Variants in AXL observed in about 807,000 individuals in gnomAD.
AXL encodes AXL receptor tyrosine kinase, also known as tyrosine-protein kinase receptor UFO.
A neutral mutation model predicts 104.5 loss-of-function variants in AXL; 52 were observed. That is an observed-to-expected ratio of 0.50 (90% CI 0.40 to 0.63). The LOEUF (loss-of-function observed/expected upper bound fraction) is 0.63. Among genes scored for constraint, AXL ranks in the 20% least tolerant of loss-of-function variants. AXL has a pLI of 0.00. For synonymous variants in AXL, 455 were observed against 473.7 expected, an observed-to-expected ratio of 0.96 and a Z score of 0.51; for missense variants, 1,024 against 1,188.5, an observed-to-expected ratio of 0.86 and a Z score of 2.04.
rs971843437 is a variant in AXL, at chr19:41,257,923, C to T, written c.2333+294C>T. ...TGAATAACAGCACAGTCTTACCTGG[C>T]GGCCCTGCCTTTGGGACATGCACTC... is the stretch of plus-strand genomic sequence containing the variant. On this transcript the variant is annotated intron_variant, in intron 19 of 19. Coordinates refer to ENST00000301178, the MANE Select transcript of AXL (RefSeq NM_021913.5). Among the ~76,000 whole-genome samples, 5 of 152,262 alleles carry T rather than the reference C, an allele frequency of 3.3e-5. No individual in the cohort carries two copies. In the South Asian group the frequency reaches 6.2e-4, roughly 19 times the overall value.
At chr19:41,238,333 C>A in intron 7 of AXL, 137 bp from the exon 8 acceptor site, 1 of 1,474,510 alleles carries the variant, frequency 6.8e-7, no homozygotes. Flanking sequence ...CTTCTCTCCC[C>A]TGTGCTTCCT....
At chr19:41,229,553 C>G (rs114930604) in intron 4 of AXL, among the ~76,000 whole-genome samples, 2,216 of 152,312 alleles carry the variant, frequency 0.015, 57 homozygotes, top group African/African-American at 0.051. Flanking sequence ...TCATGAGTCA[C>G]TATGCCTGGC....
chr19:41,249,014 C>T (rs537167407), intron 14 of AXL, among the ~76,000 whole-genome samples, 194 bp downstream of exon 14: 1 of 152,156 alleles, frequency 6.6e-6, no homozygotes, highest in African/African-American at 2.4e-5. Context: ...GTTGAAGGAA[C>T]AACTGGGGGC....
chr19:41,253,774 T>A (rs2034408825), intron 17 of AXL, 66 bp downstream of exon 17: 5 of 1,297,876 alleles, frequency 3.9e-6, no homozygotes, highest in Non-Finnish European at 5.5e-6. Context: ...GTTCCCTCCC[T>A]CCTTCTTAGG....
chr19:41,250,198 A>G (rs1414886027), intron 14 of AXL, among the ~76,000 whole-genome samples: 2 of 152,162 alleles, frequency 1.3e-5, no homozygotes, highest in East Asian at 3.8e-4. Context: ...GAGTAGGACT[A>G]TATTATTTCC....
intron 6 of AXL, among the ~76,000 whole-genome samples, chr19:41,233,423 G>A (rs1297771441): frequency 6.8e-6 from 1 of 146,038 alleles, no homozygotes; most frequent in Non-Finnish European, 1.5e-5. Context: ...GATAGCTCAC[G>A]CCTGTAATCC....
At chr19:41,224,366 C>T (rs1296592282) in intron 4 of AXL, among the ~76,000 whole-genome samples, 1 of 151,886 alleles carries the variant, frequency 6.6e-6, no homozygotes, top group Non-Finnish European at 1.5e-5. Flanking sequence ...TTTCTTACCA[C>T]CTTTTTTCCC....
chr19:41,234,295 A>G (rs934415016), intron 6 of AXL, among the ~76,000 whole-genome samples: 1 of 152,156 alleles, frequency 6.6e-6, no homozygotes, highest in African/African-American at 2.4e-5. Flanking sequence ...AATGTGCTTG[A>G]CAGAGAGCTT....
intron 6 of AXL, among the ~76,000 whole-genome samples, chr19:41,234,525 AC>A: frequency 6.6e-6 from 1 of 152,160 alleles, no homozygotes; most frequent in East Asian, 1.9e-4. Context: ...ACAGAGTGAG[AC>A]CCTGCCTAAA....
rs548297374 is a variant in AXL at position 41,230,944 on chromosome 19, C to T, written c.587-23C>T. 2.5e-6 allele frequency: 4 copies of T among 1,611,466 alleles called. No homozygotes were observed. The South Asian group carries it at 4.4e-5, about 18-fold the overall frequency. On this transcript the variant is annotated intron_variant, in intron 4 of 19. Coordinates refer to ENST00000301178, the MANE Select transcript of AXL (RefSeq NM_021913.5). ...TTCCTGCCCCTCTCTGATATTGGACCCTTCCCTCATATGACTCCCTAGGGC... is the reference window on the plus strand; with the variant it reads ...TTCCTGCCCCTCTCTGATATTGGACTCTTCCCTCATATGACTCCCTAGGGC...
At chr19:41,230,257 A>C (rs547517464) in intron 4 of AXL, among the ~76,000 whole-genome samples, 95 of 121,490 alleles carry the variant, frequency 7.8e-4, no homozygotes, top group Admixed American at 3.3e-3. Flanking sequence ...CCTGTGTGTG[A>C]CTGTGTGTGA....
intron 6 of AXL, among the ~76,000 whole-genome samples, chr19:41,235,127 A>G (rs1856386166): frequency 6.6e-6 from 1 of 152,058 alleles, no homozygotes; most frequent in Admixed American, 6.6e-5. Context: ...CTGAGCGGGC[A>G]GATCACCTGA....
At chr19:41,251,852 G>A (rs562281767) in intron 14 of AXL, among the ~76,000 whole-genome samples, 103 of 151,890 alleles carry the variant, frequency 6.8e-4, no homozygotes, top group African/African-American at 2.4e-3. Context: ...AGTGGCTGAC[G>A]CCTGTAATCC....
intron 16 of AXL, 50 bp from the exon 17 acceptor site, chr19:41,253,549 C>T (rs778096572): frequency 6.9e-6 from 9 of 1,310,948 alleles, no homozygotes; most frequent in East Asian, 2.3e-5. Context: ...GAGGAGGGAT[C>T]GCATCAAGGA....
At chr19:41,250,193 G>C (rs541707662) in intron 14 of AXL, among the ~76,000 whole-genome samples, 14 of 152,266 alleles carry the variant, frequency 9.2e-5, no homozygotes, top group Admixed American at 8.5e-4. Flanking sequence ...ATGTGGAGTA[G>C]GACTATATTA....
Position 41,253,688 on chromosome 19 carries a change from C to A in AXL, c.2016C>A (p.Asp672Glu). 6.2e-7 allele frequency: 1 copy of A among 1,613,280 alleles called. No individual in the cohort carries two copies. The highest frequency in any genetic ancestry group is 8.5e-7 in the Non-Finnish European group (1 of 1,179,714). ...GTACCAAGAGATTCATACACCGGGA[C>A]CTGGCGGCCAGGAACTGCATGTGAG... ...YLSTKRFIHR[D>E]LAARNCMLNE... Residue 672 changes from aspartate (D) to glutamate (E), a missense_variant, in exon 17 of 20, where the codon GAC becomes GAA. Physicochemically the swap from Asp to Glu is conservative, Grantham distance 45 (BLOSUM62 2). This residue lies in a region of AXL where 523 missense variants were observed against 636.0 expected (regional missense o/e 0.82). Coordinates refer to ENST00000301178, the MANE Select transcript of AXL (RefSeq NM_021913.5).
intron 6 of AXL, among the ~76,000 whole-genome samples, chr19:41,236,969 C>T (rs2034091122): frequency 6.6e-6 from 1 of 151,860 alleles, no homozygotes; most frequent in South Asian, 2.1e-4. Flanking sequence ...AACGCATCAG[C>T]TATCGTTAGT....
intron 13 of AXL, 46 bp from the exon 14 acceptor site, chr19:41,248,697 C>G (rs753557547): frequency 6.2e-7 from 1 of 1,612,308 alleles, no homozygotes; most frequent in Non-Finnish European, 8.5e-7. Flanking sequence ...GAAATACAGT[C>G]CCCACGGGCC....
chr19:41,237,918 G>A (rs770488015), intron 6 of AXL, 26 bp from the exon 7 acceptor site: 14 of 1,605,496 alleles, frequency 8.7e-6, no homozygotes, highest in Admixed American at 1.7e-5. Context: ...TGGCTGTCCC[G>A]TCCTCACACC....
Sources: gnomAD v4.1 joint callset for allele counts (sites outside exome capture counted in the v4.1 genomes callset) on GRCh38, gnomAD v4.1.1 for gene constraint, gnomAD v4.1.1 regional missense constraint, MANE v1.5 for transcripts, NCBI Gene and HGNC (gene_info 2026-07-23, HGNC 2026-07-21) for gene names.